TPCN1: variants seen among roughly 807,000 people sequenced by gnomAD.
TPCN1 encodes the protein two pore segment channel 1.
Under a neutral mutation model 108.8 loss-of-function variants are expected in TPCN1, and 52 were observed. The observed-to-expected ratio is 0.48, with a 90% CI of 0.38 to 0.60. The LOEUF is 0.60. Ranked by LOEUF, TPCN1 falls within the 20% of genes least tolerant of loss-of-function variation. TPCN1 has a pLI of 0.00. For synonymous variants in TPCN1, 446 were observed against 433.7 expected (o/e 1.03, Z -0.35); for missense variants, 806 against 1,072.8 (o/e 0.75, Z 3.47).
At chr12:113,257,764 T>A (rs1954878586) in intron 2 of TPCN1, among the ~76,000 whole-genome samples, 1 of 152,188 alleles carries the variant, frequency 6.6e-6, no homozygotes, top group Non-Finnish European at 1.5e-5. Flanking sequence ...TCTTAGCTGT[T>A]CATCAACAGG....
Position 113,280,136 on chromosome 12 carries a change from C to A in TPCN1, c.1298-15C>A. 1 of 1,589,484 alleles carries A rather than the reference C, an allele frequency of 6.3e-7. No individual in the cohort carries two copies. The highest frequency in any genetic ancestry group is 8.6e-7 in the Non-Finnish European group (1 of 1,159,052). ...TGCGTAAATTTACATTTTAACTTGT[C>A]TTTTCTTCAAATAGGTATTAATATC... On this transcript the variant is annotated splice_polypyrimidine_tract_variant and intron_variant, in intron 14 of 27. Transcript: ENST00000335509.
chr12:113,294,400 G>A (rs966568843), intron 27 of TPCN1, among the ~76,000 whole-genome samples: 4 of 152,136 alleles, frequency 2.6e-5, no homozygotes, highest in African/African-American at 9.7e-5. Context: ...GCCAAGGCAG[G>A]CGGATCACTT....
intron 4 of TPCN1, 41 bp from the exon 5 acceptor site, chr12:113,267,802 C>A: frequency 7.0e-7 from 1 of 1,427,388 alleles, no homozygotes. Flanking sequence ...TGGCCATGGG[C>A]TGGGCTGGCC....
chr12:113,290,274 C>T, intron 22 of TPCN1, 31 bp downstream of exon 22: 1 of 1,427,128 alleles, frequency 7.0e-7, no homozygotes, highest in Non-Finnish European at 9.7e-7. Context: ...GGGGCACATT[C>T]CCTGGGGACC....
intron 2 of TPCN1, among the ~76,000 whole-genome samples, chr12:113,228,537 C>T (rs543958489): frequency 6.6e-6 from 1 of 152,296 alleles, no homozygotes; most frequent in South Asian, 2.1e-4. Context: ...ATTGCTTGAG[C>T]CCAGGAAGGT....
rs187921493 is a variant in TPCN1 at position 113,241,880 on chromosome 12, C to A, written c.112+14916C>A. On this transcript the variant is annotated intron_variant, in intron 2 of 27. Transcript: ENST00000335509. ...TAAAACACTTTACACATGACGGGTA[C>A]TCAATAAATACTTTGTGAGTGAGTG... 1.6e-4 allele frequency among the ~76,000 whole-genome samples: 25 copies of A among 152,018 alleles called. 1 individual carries two copies. The highest frequency in any genetic ancestry group is 8.5e-4 in the Admixed American group (13 of 15,250).
chr12:113,239,862 ATTTTTTTTTCCTAAT>A (rs1954038766), intron 2 of TPCN1, among the ~76,000 whole-genome samples: 1 of 151,008 alleles, frequency 6.6e-6, no homozygotes, highest in Non-Finnish European at 1.5e-5. Flanking sequence ...GGATTTTATT[ATTTTTTTTTCCTAAT>A]TCTTTCAGCA....
chr12:113,290,249 T>C lies in TPCN1; in HGVS notation c.1912+6T>C. On this transcript the variant is annotated splice_donor_region_variant and intron_variant, in intron 22 of 27. Coordinates refer to ENST00000335509, the MANE Select transcript of TPCN1 (RefSeq NM_017901.6). Reference sequence around the variant, plus strand: ...CAACATCCTCAACAGCTTTGGTGAGTGGGAAAAATCACAGGGGGCACATTC... The same window carrying C: ...CAACATCCTCAACAGCTTTGGTGAGCGGGAAAAATCACAGGGGGCACATTC... 6.4e-7 allele frequency: 1 copy of C among 1,572,468 alleles called. No homozygotes were observed. Among genetic ancestry groups the C allele is most frequent in the South Asian group, 1.1e-5 (1 of 87,078 alleles).
chr12:113,274,447 C>CA (rs962729906), intron 10 of TPCN1, among the ~76,000 whole-genome samples: 130 of 139,952 alleles, frequency 9.3e-4, no homozygotes, highest in Admixed American at 1.9e-3. Context: ...GACTCTGTAT[C>CA]AAAAAAAAAA....
chr12:113,245,789 C>T (rs1481241404), intron 2 of TPCN1: 4 of 364,496 alleles, frequency 1.1e-5, no homozygotes, highest in African/African-American at 2.1e-5. Flanking sequence ...CTGCCCCCTG[C>T]GCCTGCTGGG....
chr12:113,287,808 T>C (rs911773765), intron 19 of TPCN1, among the ~76,000 whole-genome samples: 1 of 152,020 alleles, frequency 6.6e-6, no homozygotes, highest in African/African-American at 2.4e-5. Context: ...GTGAGCTCCA[T>C]TGCCCCCGCT....
chr12:113,266,243 C>G lies in TPCN1; in HGVS notation c.301C>G (p.Leu101Val), dbSNP rs751389886. Residue 101 changes from leucine to valine, a missense_variant, in exon 4 of 28, where the codon CTC (leucine) becomes GTC (valine). By Grantham distance (32) the Leu-to-Val change is conservative. Coordinates refer to ENST00000335509, the MANE Select transcript of TPCN1 (RefSeq NM_017901.6). The surrounding 1 kb of genome is among the most constrained non-coding windows in gnomAD (Gnocchi z 4.2). ...PKDAKALAAYLFAHNHLFYLM... is the reference protein window; with the variant it reads ...PKDAKALAAYVFAHNHLFYLM... Reference sequence around the variant, plus strand: ...GGATGCCAAGGCGCTGGCGGCCTACCTCTTTGCACACAATCACCTCTTCTA... The same window carrying G: ...GGATGCCAAGGCGCTGGCGGCCTACGTCTTTGCACACAATCACCTCTTCTA... The G allele has an allele frequency of 9.9e-6, 16 of 1,614,164 alleles. No homozygotes were observed. Among genetic ancestry groups the G allele is most frequent in the Non-Finnish European group, 1.1e-5 (13 of 1,180,040 alleles).
chr12:113,293,518 A>G (rs1328537115), intron 27 of TPCN1, among the ~76,000 whole-genome samples, 169 bp downstream of exon 27: 1 of 152,146 alleles, frequency 6.6e-6, no homozygotes, highest in Admixed American at 6.5e-5. Context: ...GGGCTCACTT[A>G]GCCTTGAACC....
At position 113,283,861 on chromosome 12, in the gene TPCN1, G is replaced by T. The variant is rs565117627; in HGVS notation, c.1343-720G>T. 2.7e-4 allele frequency among the ~76,000 whole-genome samples: 41 copies of T among 152,180 alleles called. No homozygotes were observed. The South Asian group carries it at 8.5e-3, about 32-fold the overall frequency. Reference sequence around the variant, plus strand: ...GCTAGTTATTTTTATTTTTTGCAGGGATTTGGTCTCCCTGTGTGCCCAGGC... The same window carrying T: ...GCTAGTTATTTTTATTTTTTGCAGGTATTTGGTCTCCCTGTGTGCCCAGGC... On this transcript the variant is annotated intron_variant, in intron 15 of 27. Transcript: ENST00000335509.
chr12:113,229,188 A>G (rs1349192533), intron 2 of TPCN1, among the ~76,000 whole-genome samples: 1 of 152,270 alleles, frequency 6.6e-6, no homozygotes, highest in African/African-American at 2.4e-5. Context: ...TTGTTTCTCA[A>G]GAATAAAGAA....
chr12:113,258,099 CA>C, intron 2 of TPCN1, among the ~76,000 whole-genome samples: 1 of 152,212 alleles, frequency 6.6e-6, no homozygotes, highest in East Asian at 1.9e-4. Context: ...GCACGTAGGT[CA>C]AAATGTATCA....
intron 3 of TPCN1, among the ~76,000 whole-genome samples, chr12:113,260,882 A>ATT (rs113864407): frequency 6.8e-6 from 1 of 146,580 alleles, no homozygotes; most frequent in East Asian, 2.0e-4. Flanking sequence ...TATTTTAGGA[A>ATT]TTTTTTTTTT....
At position 113,296,125 on chromosome 12, in the gene TPCN1, C is replaced by G. The variant is rs1331908667; in HGVS notation, c.*49C>G. On this transcript the variant is annotated 3_prime_UTR_variant, in exon 28 of 28. Coordinates refer to ENST00000335509, the MANE Select transcript of TPCN1 (RefSeq NM_017901.6). ...TCTATGCAATAACACAATAGTATTA[C>G]TCTACTGCGATGTACGGAACTGCGG... 6 of 1,598,196 alleles carry G rather than the reference C, an allele frequency of 3.8e-6. No homozygotes were observed. Among genetic ancestry groups the G allele is most frequent in the Non-Finnish European group, 5.1e-6 (6 of 1,168,674 alleles).
rs902554570 is a variant in TPCN1, at chr12:113,231,912, G to A, written c.112+4948G>A. 2.6e-5 allele frequency among the ~76,000 whole-genome samples: 4 copies of A among 152,236 alleles called. No homozygotes were observed. The highest frequency in any genetic ancestry group is 9.6e-5 in the African/African-American group (4 of 41,460). On this transcript the variant is annotated intron_variant, in intron 2 of 27. Transcript: ENST00000335509. This position sits in a 1 kb window ranked among gnomAD's most constrained non-coding sequence, Gnocchi z 4.3. ...AGACCACAGTCCACACCGCGTGACA[G>A]GCGGTGGTCTCACCCACCACATTCA...
Sources: gnomAD v4.1 joint callset for allele counts (sites outside exome capture counted in the v4.1 genomes callset) on GRCh38, gnomAD v4.1.1 for gene constraint, Gnocchi (gnomAD v3.1) non-coding constraint, MANE v1.5 for transcripts, NCBI Gene and HGNC (gene_info 2026-07-23, HGNC 2026-07-21) for gene names.